The following MS4A1 variants were observed in gnomAD, a reference collection of about 807,000 sequenced individuals.
MS4A1 encodes membrane spanning 4-domains A1, also known as B-lymphocyte antigen CD20.
MS4A1 carries 16 observed loss-of-function variants against 26.5 expected under a neutral mutation model. That is an observed-to-expected ratio of 0.60 (90% CI 0.41 to 0.92). MS4A1 has a LOEUF of 0.92. MS4A1 is among the 40% of genes least tolerant of loss of function. The pLI is 0.00. For missense variants in MS4A1, 350 were observed against 353.0 expected (o/e 0.99, Z 0.07); for synonymous variants, 128 against 117.6 (o/e 1.09, Z -0.57).
At chr11:60,467,104 C>A in intron 7 of MS4A1, 44 bp downstream of exon 7, 1 of 1,451,248 alleles carries the variant, frequency 6.9e-7, no homozygotes, top group Non-Finnish European at 9.7e-7. Context: ...CTAGAAAATC[C>A]ACATCCACAA....
chr11:60,455,910 A>C lies in MS4A1; in HGVS notation c.-315A>C, dbSNP rs1332021877. ...CACTGAACTCCGCAGCTAGCATCCA[A>C]ATCAGCCCTTGAGATTTGAGGCCTT... On this transcript the variant is annotated 5_prime_UTR_variant, in exon 1 of 8. Coordinates refer to ENST00000345732, the MANE Select transcript of MS4A1 (RefSeq NM_152866.3). 6.6e-6 allele frequency: 1 copy of C among 152,244 alleles called. No homozygotes were observed. The highest frequency in any genetic ancestry group is 1.5e-5 in the Non-Finnish European group (1 of 68,096). The allele number at this position is 152,244 out of a possible 1,614,324, so 9.4% of individuals were successfully genotyped here. A position where few individuals can be genotyped will look rare whatever the true frequency, so the allele number is the denominator to read the frequency against.
At chr11:60,468,110 A>T in intron 7 of MS4A1, 140 bp from the exon 8 acceptor site, 1 of 720,350 alleles carries the variant, frequency 1.4e-6, no homozygotes, top group Non-Finnish European at 2.3e-6. Context: ...CCTGCAAAAA[A>T]ATTTTGGCAT....
At chr11:60,465,849 G>T in intron 5 of MS4A1, 72 bp from the exon 6 acceptor site, 1 of 1,214,070 alleles carries the variant, frequency 8.2e-7, no homozygotes, top group Non-Finnish European at 1.2e-6. Flanking sequence ...AGTTGCATTT[G>T]GAATTCCCTC....
chr11:60,456,651 A>G (rs1019301738), intron 1 of MS4A1, among the ~76,000 whole-genome samples: 1 of 152,204 alleles, frequency 6.6e-6, no homozygotes, highest in Non-Finnish European at 1.5e-5. Flanking sequence ...ATTAATTTTA[A>G]TCATGCCATT....
At chr11:60,457,625 G>C (rs897895923) in intron 1 of MS4A1, among the ~76,000 whole-genome samples, 5 of 152,198 alleles carry the variant, frequency 3.3e-5, no homozygotes, top group African/African-American at 1.2e-4. Context: ...AGAGATGATG[G>C]AGCTAAAGTG....
At position 60,468,671 on chromosome 11, in the gene MS4A1, TC is replaced by T. The variant is rs2135205952; in HGVS notation, c.*204del. ...TTGTAGCAGCTTGTGTTGTCACGCTTCTTCTTTTGAGCAACTTTCTTACACT... is the reference window on the plus strand; with the variant it reads ...TTGTAGCAGCTTGTGTTGTCACGCTTTTCTTTTGAGCAACTTTCTTACACT... On this transcript the variant is annotated 3_prime_UTR_variant, in exon 8 of 8. Transcript: ENST00000345732. The T allele has an allele frequency of 1.7e-6, 1 of 601,428 alleles. No individual in the cohort carries two copies. Among genetic ancestry groups the T allele is most frequent in the Admixed American group, 3.0e-5 (1 of 33,498 alleles). The allele number at this position is 601,428 out of a possible 1,614,324, so 37.3% of individuals were successfully genotyped here. A position where few individuals can be genotyped will look rare whatever the true frequency, so the allele number is the denominator to read the frequency against.
chr11:60,464,339 T>A lies in MS4A1; in HGVS notation c.331T>A (p.Cys111Ser). ...LAATEKNSRK[C>S]LVKGKMIMNS... is the part of the protein sequence containing the mutation. ...AGCAACGGAGAAAAACTCCAGGAAG[T>A]GTTTGGCAAGTAACCATATGTCCTT... is the stretch of plus-strand genomic sequence containing the variant. The change falls in exon 5 of 8, where the codon TGT (cysteine) becomes AGT (serine). Residue 111 changes from cysteine (C) to serine (S), a missense_variant. Coordinates refer to ENST00000345732, the MANE Select transcript of MS4A1 (RefSeq NM_152866.3). 1 of 1,611,640 alleles carries A rather than the reference T, an allele frequency of 6.2e-7. No individual in the cohort carries two copies. The highest frequency in any genetic ancestry group is 8.5e-7 in the Non-Finnish European group (1 of 1,178,932).
At chr11:60,467,822 A>G (rs1042248902) in intron 7 of MS4A1, among the ~76,000 whole-genome samples, 1 of 152,164 alleles carries the variant, frequency 6.6e-6, no homozygotes, top group Non-Finnish European at 1.5e-5. Flanking sequence ...TATATTACTA[A>G]CTGCTTCAGA....
In MS4A1 at chr11:60,463,008, C is replaced by G; in HGVS notation, c.166C>G (p.Gln56Glu). 1 of 1,613,898 alleles carries G rather than the reference C, an allele frequency of 6.2e-7. No individual in the cohort carries two copies. Among genetic ancestry groups the G allele is most frequent in the South Asian group, 1.1e-5 (1 of 91,072 alleles). The change falls in exon 4 of 8, where the codon CAG becomes GAG. Residue 56 changes from glutamine (Q) to glutamate (E), a missense_variant. Physicochemically the swap from Gln to Glu is conservative, Grantham distance 29. Transcript: ENST00000345732. ...MRESKTLGAV[Q>E]IMNGLFHIAL... ...GCCTCTGTTCTCTCCCCAGGCTGTC[C>G]AGATTATGAATGGGCTCTTCCACAT...
chr11:60,462,150 C>T (rs999430041), intron 2 of MS4A1, 35 bp from the exon 3 acceptor site: 1 of 645,492 alleles, frequency 1.5e-6, no homozygotes, highest in Non-Finnish European at 2.9e-6. Context: ...GGCCCACATG[C>T]TCTTCCTAAA....
Position 60,464,278 on chromosome 11 carries a change from T to C in MS4A1, c.280-10T>C, listed in dbSNP as rs1281047058. ...CCCCTCTCCATCTCCCCCACCTCTC[T>C]TTTTTACAGTATATTATTTCCGGAT... On this transcript the variant is annotated splice_polypyrimidine_tract_variant and intron_variant, in intron 4 of 7. Coordinates refer to ENST00000345732, the MANE Select transcript of MS4A1 (RefSeq NM_152866.3). The C allele has an allele frequency of 6.6e-7, 1 of 1,504,298 alleles. No homozygotes were observed. Among genetic ancestry groups the C allele is most frequent in the African/African-American group, 1.4e-5 (1 of 70,496 alleles). The allele number at this position is 1,504,298 out of a possible 1,614,324, so 93.2% of individuals were successfully genotyped here.
At chr11:60,467,510 A>G (rs1176572173) in intron 7 of MS4A1, among the ~76,000 whole-genome samples, 1 of 152,028 alleles carries the variant, frequency 6.6e-6, no homozygotes, top group East Asian at 1.9e-4. Context: ...TCCCGACCTC[A>G]GGTGATCCTC....
chr11:60,459,301 C>A (rs1190296629), intron 1 of MS4A1, among the ~76,000 whole-genome samples: 2 of 152,192 alleles, frequency 1.3e-5, no homozygotes, highest in African/African-American at 4.8e-5. Flanking sequence ...TCTTCATCTG[C>A]AGAAAGTAGT....
chr11:60,460,721 C>T (rs2086241048), intron 1 of MS4A1, among the ~76,000 whole-genome samples: 1 of 151,892 alleles, frequency 6.6e-6, no homozygotes, highest in Non-Finnish European at 1.5e-5. Context: ...GCTAAGGAAA[C>T]CCAAGATGAA....
chr11:60,459,647 G>A (rs1355088199), intron 1 of MS4A1, among the ~76,000 whole-genome samples: 1 of 152,178 alleles, frequency 6.6e-6, no homozygotes, highest in Non-Finnish European at 1.5e-5. Flanking sequence ...TAAAATATCT[G>A]TTTTTGTTAG....
At chr11:60,459,437 C>G (rs2086230317) in intron 1 of MS4A1, among the ~76,000 whole-genome samples, 1 of 152,170 alleles carries the variant, frequency 6.6e-6, no homozygotes, top group Non-Finnish European at 1.5e-5. Context: ...GCAGAAAAAG[C>G]ATCAACATCA....
At chr11:60,467,416 A>T (rs1390082498) in intron 7 of MS4A1, among the ~76,000 whole-genome samples, 1 of 151,516 alleles carries the variant, frequency 6.6e-6, no homozygotes, top group Non-Finnish European at 1.5e-5. Context: ...AGCTGGGATT[A>T]CAGGCACCCG....
At chr11:60,462,073 A>C in intron 2 of MS4A1, 112 bp from the exon 3 acceptor site, 1 of 459,642 alleles carries the variant, frequency 2.2e-6, no homozygotes, top group Non-Finnish European at 4.0e-6. Flanking sequence ...CATATATGCA[A>C]GGTGTCCTCT....
chr11:60,462,459 C>G lies in MS4A1; in HGVS notation c.85C>G (p.Pro29Ala). 4 of 1,614,198 alleles carry G rather than the reference C, an allele frequency of 2.5e-6. No homozygotes were observed. Among genetic ancestry groups the G allele is most frequent in the Non-Finnish European group, 3.4e-6 (4 of 1,180,038 alleles). ...GPIAMQSGPK[P>A]LFRRMSSLVG... is the part of the protein sequence containing the mutation. Reference sequence around the variant, plus strand: ...TATTGCTATGCAATCTGGTCCAAAACCACTCTTCAGGAGGATGTCTTCACT... The same window carrying G: ...TATTGCTATGCAATCTGGTCCAAAAGCACTCTTCAGGAGGATGTCTTCACT... Residue 29 changes from proline (P) to alanine (A), a missense_variant, in exon 3 of 8, where the codon CCA (proline) becomes GCA (alanine). Pro to Ala is a conservative substitution (Grantham distance 27). Coordinates refer to ENST00000345732, the MANE Select transcript of MS4A1 (RefSeq NM_152866.3).
Sources: allele counts gnomAD v4.1 joint callset (sites outside exome capture counted in the v4.1 genomes callset), GRCh38; gene constraint gnomAD v4.1.1; transcripts MANE v1.5; gene names NCBI Gene and HGNC (gene_info 2026-07-23, HGNC 2026-07-21).